HECW2: variants seen among roughly 807,000 people sequenced by gnomAD.
HECW2 encodes E3 ubiquitin-protein ligase HECW2.
HECW2 carries 61 observed loss-of-function variants against 175.2 expected under a neutral mutation model. That is an observed-to-expected ratio of 0.35 (90% confidence interval 0.28 to 0.43). The LOEUF (loss-of-function observed/expected upper bound fraction) is 0.43. Among genes scored for constraint, HECW2 ranks in the 20% least tolerant of loss-of-function variants. The probability of loss-of-function intolerance (pLI) is 1.00; values close to 1 mark genes in which losing one functional copy is unlikely to be tolerated. For missense variants in HECW2, 1,524 were observed against 2,000.5 expected (o/e 0.76, Z 4.54); for synonymous variants, 671 against 731.0 (o/e 0.92, Z 1.32).
intron 28 of HECW2, among the ~76,000 whole-genome samples, chr2:196,210,801 T>TC (rs1553631189): frequency 6.7e-6 from 1 of 150,046 alleles, no homozygotes; most frequent in African/African-American, 2.5e-5. Flanking sequence ...TTTTTTTTTT[T>TC]AAGTAGAGAT....
intron 13 of HECW2, among the ~76,000 whole-genome samples, chr2:196,306,215 A>G (rs116765442): frequency 0.043 from 6,483 of 152,250 alleles, 439 homozygotes; most frequent in African/African-American, 0.15. Flanking sequence ...CAGTGCCTCA[A>G]TCTTGGCCTT....
intron 1 of HECW2, among the ~76,000 whole-genome samples, chr2:196,543,181 A>C (rs1431944428): frequency 6.6e-6 from 1 of 151,278 alleles, no homozygotes; most frequent in East Asian, 1.9e-4. Flanking sequence ...ACAGTCAGAA[A>C]ATATTTTAGA....
At chr2:196,306,780 T>C (rs1180288435) in intron 12 of HECW2, among the ~76,000 whole-genome samples, 168 bp from the exon 13 acceptor site, 3 of 152,196 alleles carry the variant, frequency 2.0e-5, no homozygotes, top group Non-Finnish European at 2.9e-5. Context: ...ACATAAAACA[T>C]GGCTGTTCTT....
intron 1 of HECW2, among the ~76,000 whole-genome samples, chr2:196,524,986 A>G (rs1411649274): frequency 7.1e-6 from 1 of 141,200 alleles, no homozygotes; most frequent in Non-Finnish European, 1.5e-5. Context: ...GTAGATGTCT[A>G]TTAGGTCCGC....
intron 2 of HECW2, among the ~76,000 whole-genome samples, chr2:196,409,328 A>G (rs1695047219): frequency 6.6e-6 from 1 of 152,230 alleles, no homozygotes; most frequent in South Asian, 2.1e-4. Context: ...GCTGTTGACT[A>G]AAATGTTAAG....
chr2:196,226,616 T>C (rs1294633078), intron 22 of HECW2, among the ~76,000 whole-genome samples: 2 of 152,170 alleles, frequency 1.3e-5, no homozygotes, highest in African/African-American at 4.8e-5. Context: ...TTCTAAGAGA[T>C]GTTGACAGAT....
chr2:196,547,696 TAAGC>T (rs923626683), intron 1 of HECW2, among the ~76,000 whole-genome samples: 7 of 152,212 alleles, frequency 4.6e-5, no homozygotes, highest in African/African-American at 1.7e-4. Flanking sequence ...AGTCAAGAGA[TAAGC>T]AATACACAGG....
At chr2:196,371,349 T>C (rs1046396116) in intron 2 of HECW2, among the ~76,000 whole-genome samples, 27 of 152,208 alleles carry the variant, frequency 1.8e-4, no homozygotes, top group South Asian at 4.1e-4. Context: ...ACAATTATTA[T>C]GTTCAATCTA....
At chr2:196,354,125 C>G (rs1693273727) in intron 2 of HECW2, among the ~76,000 whole-genome samples, 2 of 152,222 alleles carry the variant, frequency 1.3e-5, no homozygotes, top group South Asian at 4.1e-4. Context: ...CAGGGCCAAG[C>G]CCCAGCTCTG....
chr2:196,516,858 C>G (rs2125425638), intron 1 of HECW2, among the ~76,000 whole-genome samples: 1 of 152,312 alleles, frequency 6.6e-6, no homozygotes, highest in South Asian at 2.1e-4. Context: ...AAGCTAGGTA[C>G]AGGCTATATA....
At chr2:196,491,359 CAT>C (rs200469302) in intron 1 of HECW2, among the ~76,000 whole-genome samples, 5,173 of 89,436 alleles carry the variant, frequency 0.058, 136 homozygotes, top group Admixed American at 0.13. Flanking sequence ...AATACAAAAT[CAT>C]ATATATATAC....
intron 2 of HECW2, among the ~76,000 whole-genome samples, chr2:196,356,837 T>C (rs540324149): frequency 1.3e-5 from 2 of 152,328 alleles, no homozygotes; most frequent in East Asian, 3.9e-4. Context: ...TAGGTATATA[T>C]GTATAGGGAA....
intron 1 of HECW2, among the ~76,000 whole-genome samples, chr2:196,576,168 T>C (rs1690556256): frequency 6.6e-6 from 1 of 152,142 alleles, no homozygotes; most frequent in South Asian, 2.1e-4. Context: ...AGTACAAACC[T>C]GCTGTACAGG....
chr2:196,570,676 A>G (rs1271055457), intron 1 of HECW2, among the ~76,000 whole-genome samples: 1 of 152,252 alleles, frequency 6.6e-6, no homozygotes. Context: ...TGTTGTGCAC[A>G]TGTACCCTAG....
intron 10 of HECW2, among the ~76,000 whole-genome samples, chr2:196,315,196 CTT>C (rs1009748122): frequency 3.4e-5 from 5 of 147,320 alleles, no homozygotes; most frequent in African/African-American, 5.0e-5. Flanking sequence ...GTGTGCATAA[CTT>C]ATATTTTTAG....
chr2:196,452,899 G>A (rs1301373667), intron 1 of HECW2, among the ~76,000 whole-genome samples: 3 of 151,792 alleles, frequency 2.0e-5, no homozygotes, highest in African/African-American at 7.3e-5. Flanking sequence ...TCTAATTTGA[G>A]CAAATCAATG....
At chr2:196,558,282 G>C (rs1689876366) in intron 1 of HECW2, among the ~76,000 whole-genome samples, 1 of 152,328 alleles carries the variant, frequency 6.6e-6, no homozygotes, top group South Asian at 2.1e-4. Flanking sequence ...GAGATAGAGA[G>C]AGAAAAGTAA....
At chr2:196,590,319 GA>G (rs1691142211) in intron 1 of HECW2, among the ~76,000 whole-genome samples, 2 of 152,190 alleles carry the variant, frequency 1.3e-5, no homozygotes, top group Non-Finnish European at 2.9e-5. Flanking sequence ...TGTGTGTAAT[GA>G]AGCAACCTCT....
chr2:196,277,367 A>G lies in HECW2; in HGVS notation c.3135+1161T>C, dbSNP rs193005320. ...TAAAGAATACTAGTGAGGATTCCATAATCCCATATCCCTGGATGGATATTT... is the reference window on the plus strand; with the variant it reads ...TAAAGAATACTAGTGAGGATTCCATGATCCCATATCCCTGGATGGATATTT... On this transcript the variant is annotated intron_variant, in intron 15 of 28. Transcript: ENST00000644978. Among the ~76,000 whole-genome samples the G allele has an allele frequency of 3.0e-3, 463 of 152,344 alleles. 3 individuals are homozygous for G. The highest frequency in any genetic ancestry group is 3.7e-3 in the Non-Finnish European group (250 of 68,032).
Sources: allele counts gnomAD v4.1 joint callset (sites outside exome capture counted in the v4.1 genomes callset), GRCh38; gene constraint gnomAD v4.1.1; transcripts MANE v1.5; gene names NCBI Gene and HGNC (gene_info 2026-07-23, HGNC 2026-07-21).